FHIT: variants seen among roughly 807,000 people sequenced by gnomAD.
FHIT encodes fragile histidine triad diadenosine triphosphatase, also known as bis(5'-adenosyl)-triphosphatase.
A neutral mutation model predicts 17.9 loss-of-function variants in FHIT; 19 were observed. That is an observed-to-expected ratio of 1.06 (90% confidence interval 0.74 to 1.56). The LOEUF is 1.56. FHIT is among the 40% of genes most tolerant of loss of function. The pLI, the probability that FHIT is intolerant of heterozygous loss-of-function variation, is 0.00. For synonymous variants in FHIT, 81 were observed against 69.7 expected, an observed-to-expected ratio of 1.16 and a Z score of -0.81; for missense variants, 248 against 189.2, an observed-to-expected ratio of 1.31 and a Z score of -1.82.
intron 5 of FHIT, among the ~76,000 whole-genome samples, chr3:60,309,153 C>T (rs1032853414): frequency 6.6e-6 from 1 of 152,044 alleles, no homozygotes; most frequent in Non-Finnish European, 1.5e-5. Context: ...CAATTAATTA[C>T]CAATAAACTA....
intron 4 of FHIT, among the ~76,000 whole-genome samples, chr3:60,745,584 G>T (rs1553715141): frequency 6.6e-6 from 1 of 152,154 alleles, no homozygotes; most frequent in African/African-American, 2.4e-5. Flanking sequence ...GGGACACAGA[G>T]TAGATCCAGG....
intron 5 of FHIT, among the ~76,000 whole-genome samples, chr3:60,274,069 C>T (rs1022805043): frequency 1.3e-5 from 2 of 152,138 alleles, no homozygotes; most frequent in Non-Finnish European, 2.9e-5. Flanking sequence ...AGGGATGTTA[C>T]ATATCTGTTT....
At chr3:60,914,468 G>A (rs1706903310) in intron 3 of FHIT, among the ~76,000 whole-genome samples, 1 of 151,754 alleles carries the variant, frequency 6.6e-6, no homozygotes, top group African/African-American at 2.4e-5. Context: ...TGGAAGGACG[G>A]TTGTGCAGTG....
intron 4 of FHIT, among the ~76,000 whole-genome samples, chr3:60,650,429 G>C (rs1028081550): frequency 1.6e-4 from 25 of 152,130 alleles, no homozygotes; most frequent in African/African-American, 6.0e-4. Flanking sequence ...TAAAGCCGAG[G>C]GTCTGGTAGT....
At chr3:60,664,582 T>A (rs559444482) in intron 4 of FHIT, among the ~76,000 whole-genome samples, 2 of 152,088 alleles carry the variant, frequency 1.3e-5, no homozygotes, top group East Asian at 3.9e-4. Context: ...TTGGTATAAT[T>A]CTCCAGTGAA....
chr3:61,183,424 A>G (rs2038405719), intron 2 of FHIT, among the ~76,000 whole-genome samples: 1 of 152,190 alleles, frequency 6.6e-6, no homozygotes, highest in African/African-American at 2.4e-5. Context: ...CAGGGAACAC[A>G]GCACAAATTC....
intron 4 of FHIT, among the ~76,000 whole-genome samples, chr3:60,624,864 A>G (rs2039237905): frequency 6.6e-6 from 1 of 151,518 alleles, no homozygotes; most frequent in African/African-American, 2.4e-5. Context: ...TTGTCCATTC[A>G]GAAATTGATA....
At chr3:60,537,079 T>C in intron 4 of FHIT, 100 bp from the exon 5 acceptor site, 1 of 923,450 alleles carries the variant, frequency 1.1e-6, no homozygotes, top group East Asian at 2.9e-5. Context: ...GATTCTTAGT[T>C]GCAGAGAGGA....
At chr3:60,492,304 C>G (rs1448303804) in intron 5 of FHIT, among the ~76,000 whole-genome samples, 1 of 152,114 alleles carries the variant, frequency 6.6e-6, no homozygotes, top group Non-Finnish European at 1.5e-5. Flanking sequence ...TTTCTGTGGT[C>G]ACAAAGTCAA....
At chr3:61,186,194 C>A (rs1246916000) in intron 2 of FHIT, among the ~76,000 whole-genome samples, 4 of 152,148 alleles carry the variant, frequency 2.6e-5, no homozygotes, top group African/African-American at 9.7e-5. Flanking sequence ...TGGGACTCTT[C>A]CAGTGTTATT....
At chr3:60,158,840 C>T (rs553611678) in intron 5 of FHIT, among the ~76,000 whole-genome samples, 3 of 152,166 alleles carry the variant, frequency 2.0e-5, no homozygotes, top group African/African-American at 7.2e-5. Context: ...CTTCCTTAGA[C>T]TCTCCCCCAA....
chr3:60,142,056 G>T (rs1224429777), intron 5 of FHIT, among the ~76,000 whole-genome samples: 9 of 152,156 alleles, frequency 5.9e-5, no homozygotes, highest in Non-Finnish European at 1.2e-4. Context: ...GGTGCATCAA[G>T]GACACAAGAA....
chr3:60,527,924 T>G (rs1341206747), intron 5 of FHIT, among the ~76,000 whole-genome samples: 2 of 152,226 alleles, frequency 1.3e-5, no homozygotes, highest in African/African-American at 2.4e-5. Context: ...AGAGCCACCA[T>G]TGGTCTGTGC....
At chr3:60,717,654 A>G (rs2041716236) in intron 4 of FHIT, among the ~76,000 whole-genome samples, 2 of 152,206 alleles carry the variant, frequency 1.3e-5, no homozygotes. Flanking sequence ...AATCTTGGTT[A>G]TAGTAGAACT....
intron 5 of FHIT, among the ~76,000 whole-genome samples, chr3:60,025,361 A>T (rs765338569): frequency 3.9e-5 from 6 of 152,200 alleles, no homozygotes; most frequent in Non-Finnish European, 7.3e-5. Context: ...CAACTAAGAT[A>T]AGAAATCTAG....
At chr3:60,012,266 G>GTTTTTT (rs769497004) in intron 6 of FHIT, among the ~76,000 whole-genome samples, 9 of 112,476 alleles carry the variant, frequency 8.0e-5, no homozygotes, top group South Asian at 3.0e-4. Context: ...TTTTTTTGTT[G>GTTTTTT]TTTTTTTTTT....
At chr3:61,197,840 C>T (rs919846928) in intron 2 of FHIT, among the ~76,000 whole-genome samples, 6 of 151,978 alleles carry the variant, frequency 3.9e-5, no homozygotes, top group Non-Finnish European at 5.9e-5. Context: ...ATGACTTCTC[C>T]GCTTCTCTTC....
intron 5 of FHIT, among the ~76,000 whole-genome samples, chr3:60,324,153 A>G (rs1247564228): frequency 6.6e-6 from 1 of 152,088 alleles, no homozygotes; most frequent in African/African-American, 2.4e-5. Flanking sequence ...TAACTCATTT[A>G]CTCCTCATTA....
At chr3:60,323,442 T>A (rs1023676821) in intron 5 of FHIT, among the ~76,000 whole-genome samples, 1 of 152,164 alleles carries the variant, frequency 6.6e-6, no homozygotes, top group Non-Finnish European at 1.5e-5. Context: ...GAGATCTCAG[T>A]GAGCCAGTGT....
Sources: gnomAD v4.1 joint callset for allele counts (sites outside exome capture counted in the v4.1 genomes callset) on GRCh38, gnomAD v4.1.1 for gene constraint, MANE v1.5 for transcripts, NCBI Gene and HGNC (gene_info 2026-07-23, HGNC 2026-07-21) for gene names.